Variants in CERKL observed in about 807,000 individuals in gnomAD.
CERKL encodes the protein ceramide kinase-like protein.
A neutral mutation model predicts 63.4 loss-of-function variants in CERKL; 61 were observed. The observed-to-expected ratio is 0.96, with a 90% CI of 0.78 to 1.19. The LOEUF is 1.19. Among genes scored for constraint, CERKL ranks in the 50% most tolerant of loss-of-function variants. The probability of loss-of-function intolerance (pLI) is 0.00; values close to 1 mark genes in which losing one functional copy is unlikely to be tolerated. For missense variants in CERKL, 675 were observed against 655.5 expected (o/e 1.03, Z -0.33); for synonymous variants, 250 against 230.5 (o/e 1.08, Z -0.77).
In CERKL at chr2:181,537,457, C is replaced by T. The variant is rs1289286332; in HGVS notation, c.*727G>A. On this transcript the variant is annotated 3_prime_UTR_variant, in exon 13 of 13. Transcript: ENST00000410087. ...TACTTGTATCATGAATTTTAAAACC[C>T]TACCACTTTAAGAAGACAGGGATGG... 8.8e-6 allele frequency: 4 copies of T among 453,692 alleles called. No individual in the cohort carries two copies. The highest frequency in any genetic ancestry group is 1.8e-5 in the Non-Finnish European group (4 of 226,700). The allele number at this position is 453,692 out of a possible 1,614,324, so 28.1% of individuals were successfully genotyped here.
chr2:181,640,385 G>A (rs911558414), intron 1 of CERKL, among the ~76,000 whole-genome samples: 3 of 152,104 alleles, frequency 2.0e-5, no homozygotes, highest in South Asian at 2.1e-4. Context: ...TACTACCCCC[G>A]TCATTGGCAT....
chr2:181,622,104 G>A (rs906913788), intron 1 of CERKL, among the ~76,000 whole-genome samples: 4 of 152,158 alleles, frequency 2.6e-5, no homozygotes, highest in Non-Finnish European at 4.4e-5. Context: ...AATAGGTTCT[G>A]CTAATCAAGT....
intron 2 of CERKL, among the ~76,000 whole-genome samples, chr2:181,579,678 T>C (rs1444323847): frequency 6.6e-6 from 1 of 152,078 alleles, no homozygotes; most frequent in Non-Finnish European, 1.5e-5. Context: ...AGTCCCCTTT[T>C]GAGACTTAAA....
intron 1 of CERKL, among the ~76,000 whole-genome samples, chr2:181,627,527 C>A (rs990890841): frequency 6.6e-6 from 1 of 152,192 alleles, no homozygotes; most frequent in Non-Finnish European, 1.5e-5. Flanking sequence ...TCCATTTGTA[C>A]TCATCCTAAA....
chr2:181,650,526 C>T (rs893186989), intron 1 of CERKL, among the ~76,000 whole-genome samples: 6 of 152,028 alleles, frequency 3.9e-5, no homozygotes, highest in Non-Finnish European at 7.4e-5. Context: ...TGGGAGGCCA[C>T]GGCAGGCAGA....
chr2:181,572,780 CT>C (rs5836800), intron 3 of CERKL, among the ~76,000 whole-genome samples: 309 of 131,084 alleles, frequency 2.4e-3, no homozygotes, highest in East Asian at 7.7e-3. Flanking sequence ...ACAAAACTTG[CT>C]TTTTTTTTTT....
rs74890704 is a variant in CERKL at position 181,546,187 on chromosome 2, C to G, written c.1269-1391G>C. ...TCCTTCTCTGAAAAATTCATTAATA[C>G]TGATTAAGCCTGCAGAGTCAACAGT... On this transcript the variant is annotated intron_variant, in intron 10 of 12. Transcript: ENST00000410087. Among the ~76,000 whole-genome samples the G allele has an allele frequency of 5.6e-4, 85 of 152,222 alleles. 3 individuals carry two copies. The East Asian group carries it at 0.016, about 29-fold the overall frequency.
intron 11 of CERKL, among the ~76,000 whole-genome samples, chr2:181,543,242 T>C (rs535382145): frequency 6.6e-5 from 10 of 152,340 alleles, no homozygotes; most frequent in Admixed American, 2.0e-4. Flanking sequence ...CAGCAATGAA[T>C]ATATAGTGCT....
intron 1 of CERKL, among the ~76,000 whole-genome samples, chr2:181,642,637 CTT>C (rs948398197): frequency 6.6e-6 from 1 of 151,878 alleles, no homozygotes; most frequent in African/African-American, 2.4e-5. Context: ...CAGGAATACT[CTT>C]TTGAAAAAAA....
In CERKL at chr2:181,537,352, C is replaced by CAGAT; in HGVS notation, c.*828_*831dup. 1 of 453,786 alleles carries CAGAT rather than the reference C, an allele frequency of 2.2e-6. No individual in the cohort carries two copies. Among genetic ancestry groups the CAGAT allele is most frequent in the South Asian group, 1.6e-5 (1 of 64,456 alleles). 28.1% of individuals were successfully genotyped at this position (453,786 alleles called of 1,614,324 possible). ...CTATGGTTGTCCAACACAGGCCTCTCAGATACAAGGGGAACACAATTACAT... is the reference window on the plus strand; with the variant it reads ...CTATGGTTGTCCAACACAGGCCTCTCAGATAGATACAAGGGGAACACAATTACAT... On this transcript the variant is annotated 3_prime_UTR_variant, in exon 13 of 13. Coordinates refer to ENST00000410087, the MANE Select transcript of CERKL (RefSeq NM_201548.5).
At chr2:181,580,460 AATC>A (rs1268563005) in intron 2 of CERKL, among the ~76,000 whole-genome samples, 1 of 152,122 alleles carries the variant, frequency 6.6e-6, no homozygotes, top group Non-Finnish European at 1.5e-5. Context: ...TGTAAATAAT[AATC>A]ATTTAATTTC....
chr2:181,637,397 G>A (rs1316172929), intron 1 of CERKL, among the ~76,000 whole-genome samples: 1 of 152,138 alleles, frequency 6.6e-6, no homozygotes, highest in Non-Finnish European at 1.5e-5. Context: ...TTCTCCAACA[G>A]AGAGGTCAAT....
At chr2:181,568,675 T>C (rs1688767761) in intron 3 of CERKL, among the ~76,000 whole-genome samples, 1 of 150,594 alleles carries the variant, frequency 6.6e-6, no homozygotes, top group South Asian at 2.1e-4. Context: ...ATTTTCTTTT[T>C]TTTTTTTTTT....
At chr2:181,635,629 T>A (rs1369867160) in intron 1 of CERKL, among the ~76,000 whole-genome samples, 2 of 152,190 alleles carry the variant, frequency 1.3e-5, no homozygotes, top group Non-Finnish European at 2.9e-5. Flanking sequence ...ATTGTATTGA[T>A]CTTATTTTTC....
intron 1 of CERKL, among the ~76,000 whole-genome samples, chr2:181,620,593 T>A (rs925636883): frequency 2.6e-5 from 4 of 152,204 alleles, no homozygotes; most frequent in African/African-American, 9.7e-5. Flanking sequence ...GAAGAAACTT[T>A]ACCTGAGAGA....
At chr2:181,602,952 T>C (rs1188913455) in intron 2 of CERKL, 1 of 154,404 alleles carries the variant, frequency 6.5e-6, no homozygotes, top group East Asian at 1.9e-4. Flanking sequence ...GAAATCCAAA[T>C]TGCATTATAT....
At chr2:181,542,420 G>C (rs545974923) in intron 11 of CERKL, among the ~76,000 whole-genome samples, 2 of 152,274 alleles carry the variant, frequency 1.3e-5, no homozygotes, top group African/African-American at 4.8e-5. Flanking sequence ...GAATTATGCA[G>C]TAGACATGAT....
intron 1 of CERKL, among the ~76,000 whole-genome samples, chr2:181,616,300 G>A (rs758625200): frequency 1.1e-4 from 15 of 139,002 alleles, no homozygotes; most frequent in African/African-American, 1.9e-4. Context: ...TGCAAGCTCC[G>A]CCTCCCAGGT....
chr2:181,614,101 G>A (rs553296197), intron 1 of CERKL, among the ~76,000 whole-genome samples: 2 of 147,562 alleles, frequency 1.4e-5, no homozygotes, highest in South Asian at 4.2e-4. Context: ...TATATGAGGA[G>A]TGGACCAGCT....
Sources: allele counts gnomAD v4.1 joint callset (sites outside exome capture counted in the v4.1 genomes callset), GRCh38; gene constraint gnomAD v4.1.1; transcripts MANE v1.5; gene names NCBI Gene and HGNC (gene_info 2026-07-23, HGNC 2026-07-21).